Variants in SCARA3 observed in about 807,000 individuals in gnomAD.
SCARA3 encodes cellular stress response gene protein.
In SCARA3, 39 loss-of-function variants were observed where a neutral mutation model predicts 47.0. The observed-to-expected ratio is 0.83, with a 90% CI of 0.64 to 1.08. The LOEUF is 1.08. Ranked by LOEUF, SCARA3 falls within the 50% of genes least tolerant of loss-of-function variation. The pLI, the probability that SCARA3 is intolerant of heterozygous loss-of-function variation, is 0.00. For synonymous variants in SCARA3, 356 were observed against 334.1 expected, an observed-to-expected ratio of 1.07 and a Z score of -0.71; for missense variants, 724 against 792.3, an observed-to-expected ratio of 0.91 and a Z score of 1.04.
chr8:27,702,801 G>C, the SCARA3 span: 1 of 152,378 alleles, frequency 6.6e-6, no homozygotes, highest in Non-Finnish European at 1.5e-5. Flanking sequence ...TTGCTTCCTT[G>C]TATCTCTGCC....
the SCARA3 span, among the ~76,000 whole-genome samples, chr8:27,717,555 C>T: frequency 1.7e-4 from 26 of 152,146 alleles, no homozygotes; most frequent in Admixed American, 1.2e-3. Context: ...GAGGCTGCAG[C>T]GGGCAGATTA....
intron 5 of SCARA3, among the ~76,000 whole-genome samples, chr8:27,663,522 C>A (rs573985152): frequency 6.6e-6 from 1 of 152,192 alleles, no homozygotes; most frequent in Admixed American, 6.5e-5. Flanking sequence ...GCTCTGCACA[C>A]GCAACTTTAT....
downstream of SCARA3, among the ~76,000 whole-genome samples, chr8:27,673,229 G>A (rs1269827075): frequency 6.6e-6 from 1 of 152,256 alleles, no homozygotes; most frequent in Non-Finnish European, 1.5e-5. Context: ...CAGGAACAGA[G>A]GGGGAAATGC....
At chr8:27,694,295 G>A in the SCARA3 span, among the ~76,000 whole-genome samples, 157 of 152,236 alleles carry the variant, frequency 1.0e-3, no homozygotes, top group African/African-American at 3.5e-3. Flanking sequence ...TCACTGCTTA[G>A]CAAAGGTAGT....
At chr8:27,712,037 A>G in the SCARA3 span, among the ~76,000 whole-genome samples, 2 of 152,254 alleles carry the variant, frequency 1.3e-5, no homozygotes, top group Non-Finnish European at 2.9e-5. Context: ...AAGAAGTTCA[A>G]TAACTTATTA....
chr8:27,713,531 C>T, the SCARA3 span, among the ~76,000 whole-genome samples: 1 of 152,156 alleles, frequency 6.6e-6, no homozygotes, highest in African/African-American at 2.4e-5. Flanking sequence ...TCGGTATGTA[C>T]TCATGGTTCC....
At chr8:27,640,815 G>A (rs916886601) in intron 1 of SCARA3, among the ~76,000 whole-genome samples, 2 of 151,832 alleles carry the variant, frequency 1.3e-5, no homozygotes, top group African/African-American at 4.8e-5. Context: ...TCCTACCTCA[G>A]CCTCCCAAGT....
chr8:27,688,134 C>T, the SCARA3 span, among the ~76,000 whole-genome samples: 1 of 152,058 alleles, frequency 6.6e-6, no homozygotes, highest in Non-Finnish European at 1.5e-5. Flanking sequence ...TTCAACTATT[C>T]AAAAATATTT....
intron 5 of SCARA3, among the ~76,000 whole-genome samples, chr8:27,660,805 G>C (rs1047972995): frequency 6.6e-6 from 1 of 151,122 alleles, no homozygotes; most frequent in Non-Finnish European, 1.5e-5. Flanking sequence ...GGATGAGATA[G>C]ATAGAAAATA....
the SCARA3 span, among the ~76,000 whole-genome samples, chr8:27,696,639 G>A: frequency 2.9e-5 from 4 of 136,350 alleles, no homozygotes; most frequent in Admixed American, 7.8e-5. Context: ...TTTTTGTAGA[G>A]ACAGAGTCTC....
At chr8:27,681,953 C>T in the SCARA3 span, among the ~76,000 whole-genome samples, 1 of 150,946 alleles carries the variant, frequency 6.6e-6, no homozygotes. Context: ...CATGAAAATG[C>T]AAAGGACATA....
At chr8:27,656,166 T>G (rs577803) in intron 3 of SCARA3, among the ~76,000 whole-genome samples, 52,942 of 152,164 alleles carry the variant, frequency 0.35, 10,373 homozygotes, top group South Asian at 0.5. Flanking sequence ...TATTCTCAGA[T>G]ACAAAGAGAC....
chr8:27,674,452 G>A (rs756988500), downstream of SCARA3, among the ~76,000 whole-genome samples: 88 of 152,148 alleles, frequency 5.8e-4, 1 homozygote, highest in Non-Finnish European at 8.8e-5. Context: ...AGAAAACAGA[G>A]GGAGTGGACT....
the SCARA3 span, among the ~76,000 whole-genome samples, chr8:27,719,744 C>T: frequency 6.6e-6 from 1 of 151,988 alleles, no homozygotes; most frequent in East Asian, 1.9e-4. Context: ...GATTTTTTTG[C>T]AATTGAAGAA....
chr8:27,731,588 G>A, the SCARA3 span, among the ~76,000 whole-genome samples: 6 of 140,614 alleles, frequency 4.3e-5, no homozygotes, highest in Non-Finnish European at 6.0e-5. Flanking sequence ...GTTGCAGTGA[G>A]CCAAGATCTT....
chr8:27,690,238 TC>T, the SCARA3 span, among the ~76,000 whole-genome samples: 94 of 152,270 alleles, frequency 6.2e-4, no homozygotes, highest in Non-Finnish European at 1.1e-3. Flanking sequence ...CTCCCATCAG[TC>T]AGGGAGTCCA....
At position 27,659,239 on chromosome 8, in the gene SCARA3, A is replaced by G. The variant is rs374666701; in HGVS notation, c.1069A>G (p.Ile357Val). 6.2e-7 allele frequency: 1 copy of G among 1,614,006 alleles called. No homozygotes were observed. The highest frequency in any genetic ancestry group is 1.3e-5 in the African/African-American group (1 of 74,894). The change falls in exon 5 of 6, where the codon ATT becomes GTT. Residue 357 changes from isoleucine to valine, a missense_variant. By Grantham distance (29) the Ile-to-Val change is conservative (BLOSUM62 3). Transcript: ENST00000301904. ...ACGCATGGCTTCTCACGAGATTGAA[A>G]TTGGCACCATCTTCACCAACATCAA... ...EGRMASHEIE[I>V]GTIFTNINAT...
intron 1 of SCARA3, among the ~76,000 whole-genome samples, chr8:27,638,546 G>A (rs1801309692): frequency 6.6e-6 from 1 of 152,148 alleles, no homozygotes; most frequent in Admixed American, 6.5e-5. Flanking sequence ...CACTAAGTCT[G>A]TTCAGTGTGC....
rs886665438 is a variant in SCARA3 at position 27,672,767 on chromosome 8, C to T, written c.*1416C>T. ...TTGGCTACACTCTAAAGCTGCTTTG[C>T]CTTCATGTTCAAACAGATTCAGGCA... is the stretch of plus-strand genomic sequence containing the variant. On this transcript the variant is annotated 3_prime_UTR_variant, in exon 6 of 6. Transcript: ENST00000301904. 5.1e-6 allele frequency: 5 copies of T among 985,578 alleles called. No individual in the cohort carries two copies. Among genetic ancestry groups the T allele is most frequent in the Non-Finnish European group, 6.0e-6 (5 of 830,050 alleles). 61.1% of individuals were successfully genotyped at this position (985,578 alleles called of 1,614,324 possible). A position where few individuals can be genotyped will look rare whatever the true frequency, so the allele number is the denominator to read the frequency against.
Sources: gnomAD v4.1 joint callset for allele counts (sites outside exome capture counted in the v4.1 genomes callset) on GRCh38, gnomAD v4.1.1 for gene constraint, MANE v1.5 for transcripts, NCBI Gene and HGNC (gene_info 2026-07-23, HGNC 2026-07-21) for gene names.